Variants in C1orf87 observed in about 807,000 individuals in gnomAD.
The protein encoded by C1orf87 is chromosome 1 open reading frame 87.
In C1orf87, 58 loss-of-function variants were observed where a neutral mutation model predicts 60.5. That is an observed-to-expected ratio of 0.96 (90% CI 0.78 to 1.19). The LOEUF (loss-of-function observed/expected upper bound fraction) is 1.19, where lower values mean the gene tolerates loss of function less well. Ranked by LOEUF, C1orf87 falls within the 50% of genes most tolerant of loss-of-function variation. C1orf87 has a pLI of 0.00. For missense variants in C1orf87, 673 were observed against 638.6 expected (o/e 1.05, Z -0.58); for synonymous variants, 236 against 227.4 (o/e 1.04, Z -0.34).
At chr1:60,011,912 T>C (rs1197595224) in intron 8 of C1orf87, among the ~76,000 whole-genome samples, 2 of 152,054 alleles carry the variant, frequency 1.3e-5, no homozygotes, top group African/African-American at 4.8e-5. Flanking sequence ...ATTAGACAGA[T>C]AAGTGATGGA....
At chr1:60,002,777 T>C (rs558638600) in intron 9 of C1orf87, among the ~76,000 whole-genome samples, 11 of 152,008 alleles carry the variant, frequency 7.2e-5, no homozygotes, top group Non-Finnish European at 1.5e-4. Context: ...TGAGATACCA[T>C]CTCACACCAG....
At position 60,041,096 on chromosome 1, in the gene C1orf87, T is replaced by C. The variant is rs377631037; in HGVS notation, c.378A>G (p.Val126=). The change falls in exon 4 of 12, where the codon GTA becomes GTG. Residue 126 remains valine (V), a synonymous_variant. Coordinates refer to ENST00000371201, the MANE Select transcript of C1orf87 (RefSeq NM_152377.3). Reference sequence around the variant, plus strand: ...AGGATAAGGACTGGTCTCCGGTTGGTACAGAGCTGCAGTGGACATTTGCTT... The same window carrying C: ...AGGATAAGGACTGGTCTCCGGTTGGCACAGAGCTGCAGTGGACATTTGCTT... ...PSQANVHCSS[V]PTGDQSLSYV... is the part of the protein sequence containing the mutation. 6.2e-7 allele frequency: 1 copy of C among 1,608,082 alleles called. No individual in the cohort carries two copies.
At chr1:59,995,970 T>C (rs1644960671) in intron 11 of C1orf87, among the ~76,000 whole-genome samples, 3 of 152,248 alleles carry the variant, frequency 2.0e-5, no homozygotes, top group Admixed American at 1.3e-4. Flanking sequence ...TTCCTCTTGG[T>C]TCAGCCTCTA....
chr1:60,017,173 A>G (rs796133060), intron 8 of C1orf87, among the ~76,000 whole-genome samples: 6 of 152,368 alleles, frequency 3.9e-5, no homozygotes, highest in African/African-American at 1.4e-4. Context: ...GTTAATATTT[A>G]TAAAGCACTT....
At chr1:59,994,583 A>C (rs1415676) in intron 11 of C1orf87, among the ~76,000 whole-genome samples, 3,045 of 152,286 alleles carry the variant, frequency 0.02, 103 homozygotes, top group African/African-American at 0.071. Context: ...TTCACTGGGA[A>C]AATTCCAAAT....
chr1:60,024,460 A>C (rs1203190069), intron 8 of C1orf87, among the ~76,000 whole-genome samples: 1 of 152,172 alleles, frequency 6.6e-6, no homozygotes, highest in Non-Finnish European at 1.5e-5. Flanking sequence ...GTGAGATCTA[A>C]AAATGTTTCT....
Position 60,055,081 on chromosome 1 carries a change from T to C in C1orf87, c.342+123A>G, listed in dbSNP as rs948600794. ...CAGATTGAAAAAAATTGATTCTTAC[T>C]TCTATCTCATGCAAAATATATTAAT... On this transcript the variant is annotated intron_variant, in intron 3 of 11. Transcript: ENST00000371201. 21 of 915,330 alleles carry C rather than the reference T, an allele frequency of 2.3e-5. No homozygotes were observed. The Admixed American group carries it at 3.9e-4, about 17-fold the overall frequency. 56.7% of individuals were successfully genotyped at this position (915,330 alleles called of 1,614,324 possible).
At chr1:59,990,945 T>C (rs1574287974) in intron 11 of C1orf87, 112 bp from the exon 12 acceptor site, 2 of 1,083,148 alleles carry the variant, frequency 1.8e-6, no homozygotes, top group South Asian at 3.9e-5. Context: ...GCTAATACTT[T>C]GCAATTTTAA....
intron 2 of C1orf87, among the ~76,000 whole-genome samples, chr1:60,072,015 T>G (rs549490044): frequency 6.6e-6 from 1 of 152,274 alleles, no homozygotes; most frequent in Admixed American, 6.5e-5. Context: ...TACAGGAGTG[T>G]CATCTCTTAA....
chr1:60,051,812 C>T (rs949072245), intron 3 of C1orf87, among the ~76,000 whole-genome samples: 7 of 152,160 alleles, frequency 4.6e-5, no homozygotes, highest in Non-Finnish European at 7.4e-5. Context: ...TTGAGAGACA[C>T]GAAGGAGGTA....
chr1:60,043,541 C>T (rs1320207691), intron 3 of C1orf87, among the ~76,000 whole-genome samples: 2 of 152,066 alleles, frequency 1.3e-5, no homozygotes, highest in African/African-American at 4.8e-5. Context: ...GCCACCATGC[C>T]CAGCTAAATT....
intron 4 of C1orf87, 32 bp from the exon 5 acceptor site, chr1:60,040,212 C>T: frequency 6.3e-7 from 1 of 1,586,390 alleles, no homozygotes; most frequent in East Asian, 2.2e-5. Context: ...AAGAGCAAGA[C>T]TCTTCAATCA....
intron 9 of C1orf87, among the ~76,000 whole-genome samples, chr1:60,001,586 G>A (rs1037867232): frequency 6.6e-6 from 1 of 152,006 alleles, no homozygotes; most frequent in Admixed American, 6.6e-5. Flanking sequence ...CAAAGATGAT[G>A]ATGGTGATGC....
rs183389673 is a variant in C1orf87, at chr1:59,995,309, A to T, written c.1480+2300T>A. On this transcript the variant is annotated intron_variant, in intron 11 of 11. Transcript: ENST00000371201. ...TCATAGCCCTGTTGTGAATACCCAGACTCAGGGTTATTTCAATAATCTTTT... is the reference window on the plus strand; with the variant it reads ...TCATAGCCCTGTTGTGAATACCCAGTCTCAGGGTTATTTCAATAATCTTTT... 3.3e-5 allele frequency among the ~76,000 whole-genome samples: 5 copies of T among 152,270 alleles called. No homozygotes were observed. In the East Asian group the frequency reaches 9.6e-4, roughly 29 times the overall value.
intron 2 of C1orf87, among the ~76,000 whole-genome samples, chr1:60,065,889 A>G (rs1645542944): frequency 1.3e-5 from 2 of 152,084 alleles, no homozygotes; most frequent in African/African-American, 4.8e-5. Flanking sequence ...TTAGTTCCAG[A>G]GAGCTGCAAT....
At chr1:60,039,850 T>C in intron 5 of C1orf87, 67 bp downstream of exon 5, 1 of 1,509,382 alleles carries the variant, frequency 6.6e-7, no homozygotes, top group East Asian at 2.3e-5. Flanking sequence ...TCTTAGTCTT[T>C]TACCCTTGTG....
intron 8 of C1orf87, among the ~76,000 whole-genome samples, chr1:60,013,049 G>A (rs1260871892): frequency 6.6e-6 from 1 of 151,834 alleles, no homozygotes; most frequent in Non-Finnish European, 1.5e-5. Flanking sequence ...TGGGTTTTTG[G>A]CCTGGATCCC....
At chr1:60,059,187 GGTT>G (rs1164739457) in intron 2 of C1orf87, among the ~76,000 whole-genome samples, 1 of 152,114 alleles carries the variant, frequency 6.6e-6, no homozygotes, top group Non-Finnish European at 1.5e-5. Flanking sequence ...AACACGCATT[GGTT>G]GTTATGTTGT....
At chr1:60,037,966 A>G (rs1645289763) in intron 6 of C1orf87, 26 bp downstream of exon 6, 1 of 1,494,988 alleles carries the variant, frequency 6.7e-7, no homozygotes, top group Non-Finnish European at 9.3e-7. Context: ...TAGGAACAAT[A>G]CCCTCACAAA....
Sources: gnomAD v4.1 joint callset for allele counts (sites outside exome capture counted in the v4.1 genomes callset) on GRCh38, gnomAD v4.1.1 for gene constraint, MANE v1.5 for transcripts, NCBI Gene and HGNC (gene_info 2026-07-23, HGNC 2026-07-21) for gene names.